KCNQ1: variants seen among roughly 807,000 people sequenced by gnomAD.
KCNQ1 encodes potassium voltage-gated channel subfamily Q member 1, also known as potassium voltage-gated channel subfamily KQT member 1.
A neutral mutation model predicts 72.4 loss-of-function variants in KCNQ1; 49 were observed. The ratio of observed to expected loss-of-function variants is 0.68; its 90% CI spans 0.54 to 0.86. The LOEUF is 0.86. Ranked by LOEUF, KCNQ1 falls within the 40% of genes least tolerant of loss-of-function variation. KCNQ1 has a pLI of 0.00. For synonymous variants in KCNQ1, 450 were observed against 412.6 expected, an observed-to-expected ratio of 1.09 and a Z score of -1.10; for missense variants, 790 against 945.1, an observed-to-expected ratio of 0.84 and a Z score of 2.15.
chr11:2,713,938 G>C lies in KCNQ1; in HGVS notation c.1514+51857G>C, dbSNP rs1049798737. On this transcript the variant is annotated intron_variant, in intron 11 of 15. Transcript: ENST00000155840. The surrounding 1 kb of genome is among the most constrained non-coding windows in gnomAD (Gnocchi z 5.6). ...GCTCACTGCCGCGCCTTTGTTCTCT[G>C]CTTCCTGCTCGGTTCCTGCTAACTC... Among the ~76,000 whole-genome samples the C allele has an allele frequency of 2.6e-5, 4 of 152,242 alleles. No individual in the cohort carries two copies. The highest frequency in any genetic ancestry group is 9.6e-5 in the African/African-American group (4 of 41,466).
At position 2,703,953 on chromosome 11, in the gene KCNQ1, C is replaced by G. The variant is rs965088768; in HGVS notation, c.1514+41872C>G. On this transcript the variant is annotated intron_variant, in intron 11 of 15. Coordinates refer to ENST00000155840, the MANE Select transcript of KCNQ1 (RefSeq NM_000218.3). The surrounding 1 kb of genome is among the most constrained non-coding windows in gnomAD (Gnocchi z 6.4). ...AAGAAAGGCCCCACCCCACGCTGCTCTCAGGAGTGGACAGGAACGTGGGGG... is the reference window on the plus strand; with the variant it reads ...AAGAAAGGCCCCACCCCACGCTGCTGTCAGGAGTGGACAGGAACGTGGGGG... Among the ~76,000 whole-genome samples, 21 of 152,140 alleles carry G rather than the reference C, an allele frequency of 1.4e-4. No individual in the cohort carries two copies. Among genetic ancestry groups the G allele is most frequent in the African/African-American group, 5.1e-4 (21 of 41,436 alleles).
Position 2,664,151 on chromosome 11 carries a change from AG to A in KCNQ1, c.1514+2072del, listed in dbSNP as rs1197551415. The A allele has an allele frequency of 2.5e-5, 10 of 398,726 alleles. No homozygotes were observed. In the South Asian group the frequency reaches 1.3e-3, roughly 51 times the overall value. 24.7% of individuals were successfully genotyped at this position (398,726 alleles called of 1,614,324 possible). A position where few individuals can be genotyped will look rare whatever the true frequency, so the allele number is the denominator to read the frequency against. ...AACTTACCAAGGCCTCTCTCAGAGCAGGCTGTTCCAAAAGTGGCTGCTAGAT... is the reference window on the plus strand; with the variant it reads ...AACTTACCAAGGCCTCTCTCAGAGCAGCTGTTCCAAAAGTGGCTGCTAGAT... On this transcript the variant is annotated intron_variant, in intron 11 of 15. Coordinates refer to ENST00000155840, the MANE Select transcript of KCNQ1 (RefSeq NM_000218.3). The surrounding 1 kb of genome is among the most constrained non-coding windows in gnomAD (Gnocchi z 5.1).
rs1181037409 is a variant in KCNQ1 at position 2,642,569 on chromosome 11, C to T, written c.1394-19392C>T. 1 of 397,640 alleles carries T rather than the reference C, an allele frequency of 2.5e-6. No individual in the cohort carries two copies. The allele number at this position is 397,640 out of a possible 1,614,324, so 24.6% of individuals were successfully genotyped here. A position where few individuals can be genotyped will look rare whatever the true frequency, so the allele number is the denominator to read the frequency against. ...TCATGTAGGTCTTCTCTCTTTTCTT[C>T]TTGGATAGTTTAGCCACTGGTTATT... On this transcript the variant is annotated intron_variant, in intron 10 of 15. Transcript: ENST00000155840. The surrounding 1 kb of genome is among the most constrained non-coding windows in gnomAD (Gnocchi z 4.3).
chr11:2,798,003 C>T (rs1485162732), intron 15 of KCNQ1, among the ~76,000 whole-genome samples: 1 of 152,206 alleles, frequency 6.6e-6, no homozygotes, highest in Non-Finnish European at 1.5e-5. Flanking sequence ...CCAAGTTCAG[C>T]CCTCTCACCC....
intron 1 of KCNQ1, among the ~76,000 whole-genome samples, chr11:2,523,469 G>T (rs1444224901): frequency 6.6e-6 from 1 of 152,202 alleles, no homozygotes; most frequent in East Asian, 1.9e-4. Context: ...CAAAGTGCTG[G>T]GATTGCAGGT....
At position 2,759,703 on chromosome 11, in the gene KCNQ1, G is replaced by C. The variant is rs949827015; in HGVS notation, c.1515-9141G>C. Among the ~76,000 whole-genome samples the C allele has an allele frequency of 1.3e-5, 2 of 152,228 alleles. No individual in the cohort carries two copies. The highest frequency in any genetic ancestry group is 4.8e-5 in the African/African-American group (2 of 41,460). ...ATCCTCCAGAAGGGGCCGAGAGCTT[G>C]TCCAGGCAGGGTGGATACAAGGGGC... On this transcript the variant is annotated intron_variant, in intron 11 of 15. Transcript: ENST00000155840. The surrounding 1 kb of genome is among the most constrained non-coding windows in gnomAD (Gnocchi z 4.4).
chr11:2,655,021 T>A (rs1346854676), intron 10 of KCNQ1: 1 of 398,388 alleles, frequency 2.5e-6, no homozygotes, highest in African/African-American at 2.1e-5. Flanking sequence ...GAAATGAAAA[T>A]CACCCAAAGA....
chr11:2,609,054 GT>G, intron 10 of KCNQ1: 1 of 397,746 alleles, frequency 2.5e-6, no homozygotes. Context: ...TTATTATTTT[GT>G]TTTTTCTACT....
chr11:2,614,224 C>T, intron 10 of KCNQ1: 1 of 398,546 alleles, frequency 2.5e-6, no homozygotes, highest in Non-Finnish European at 4.4e-6. Context: ...TTTGCAAGAG[C>T]CTCCACTATA....
chr11:2,660,368 G>C (rs150597452), intron 10 of KCNQ1: 1 of 398,314 alleles, frequency 2.5e-6, no homozygotes, highest in Non-Finnish European at 4.4e-6. Flanking sequence ...ATTGTATTAC[G>C]CTGATGTGGG....
At chr11:2,672,209 T>C (rs961521976) in intron 11 of KCNQ1, 11 of 398,560 alleles carry the variant, frequency 2.8e-5, no homozygotes, top group African/African-American at 2.1e-5. Context: ...TTAAGTTAAA[T>C]TGAATTCCTT....
At position 2,599,225 on chromosome 11, in the gene KCNQ1, G is replaced by T. The variant is rs944761175; in HGVS notation, c.1393+10371G>T. Among the ~76,000 whole-genome samples the T allele has an allele frequency of 6.6e-6, 1 of 152,080 alleles. No homozygotes were observed. Among genetic ancestry groups the T allele is most frequent in the Non-Finnish European group, 1.5e-5 (1 of 68,034 alleles). ...AATAAAATACATGTGACATAATGAA[G>T]GCATTATCATTGTTTTCCAAACTCA... On this transcript the variant is annotated intron_variant, in intron 10 of 15. Transcript: ENST00000155840. This position sits in a 1 kb window ranked among gnomAD's most constrained non-coding sequence, Gnocchi z 4.7.
At position 2,652,042 on chromosome 11, in the gene KCNQ1, TCTGA is replaced by T. The variant is rs1445584742; in HGVS notation, c.1394-9915_1394-9912del. On this transcript the variant is annotated intron_variant, in intron 10 of 15. Transcript: ENST00000155840. This position sits in a 1 kb window ranked among gnomAD's most constrained non-coding sequence, Gnocchi z 5.9. The stretch of plus-strand genomic sequence containing the variant: ...AGCCTCCCCCCAGTTCTGGGGTGGC[TCTGA>T]CTGTGTCCAGGCTCCAATTTGAGAA... 2 of 398,564 alleles carry T rather than the reference TCTGA, an allele frequency of 5.0e-6. No homozygotes were observed. The highest frequency in any genetic ancestry group is 2.1e-5 in the African/African-American group (1 of 48,648). 24.7% of individuals were successfully genotyped at this position (398,564 alleles called of 1,614,324 possible).
At position 2,508,820 on chromosome 11, in the gene KCNQ1, A is replaced by C. The variant is rs1366958528; in HGVS notation, c.387-19108A>C. ...CCCCTGCTCTCATACAGGCTTGAGG[A>C]GGGCTAAGGAAAGTCACAGTTGAAT... On this transcript the variant is annotated intron_variant, in intron 1 of 15. Transcript: ENST00000155840. The surrounding 1 kb of genome is among the most constrained non-coding windows in gnomAD (Gnocchi z 6.2). Among the ~76,000 whole-genome samples the C allele has an allele frequency of 6.6e-6, 1 of 152,220 alleles. No homozygotes were observed. The highest frequency in any genetic ancestry group is 1.5e-5 in the Non-Finnish European group (1 of 68,034).
At chr11:2,717,320 C>T (rs573920286) in intron 11 of KCNQ1, among the ~76,000 whole-genome samples, 38 of 152,282 alleles carry the variant, frequency 2.5e-4, no homozygotes, top group South Asian at 2.5e-3. Context: ...GTGAGAGCCT[C>T]GACAGCCAGG....
intron 7 of KCNQ1, among the ~76,000 whole-genome samples, chr11:2,584,537 GT>G: frequency 7.0e-6 from 1 of 142,750 alleles, no homozygotes; most frequent in Non-Finnish European, 1.5e-5. Flanking sequence ...GTGTGTGTTA[GT>G]ATGTGTTTGT....
At chr11:2,843,584 C>CT in intron 15 of KCNQ1, among the ~76,000 whole-genome samples, 1 of 152,402 alleles carries the variant, frequency 6.6e-6, no homozygotes, top group East Asian at 1.9e-4. Context: ...CCTCTCCCGC[C>CT]TGTCCCTGGC....
At chr11:2,533,491 C>A (rs542307637) in intron 2 of KCNQ1, among the ~76,000 whole-genome samples, 2 of 152,352 alleles carry the variant, frequency 1.3e-5, no homozygotes, top group Non-Finnish European at 2.9e-5. Context: ...CACGTGTGTA[C>A]GTACGTGCAT....
chr11:2,624,599 C>T lies in KCNQ1; in HGVS notation c.1393+35745C>T. ...AAAATACACTTAACATAAAAATTAC[C>T]ATCCTAACCAATTTTAGTGTACAAT... On this transcript the variant is annotated intron_variant, in intron 10 of 15. Transcript: ENST00000155840. This position sits in a 1 kb window ranked among gnomAD's most constrained non-coding sequence, Gnocchi z 4.9. 2.5e-6 allele frequency: 1 copy of T among 398,306 alleles called. No homozygotes were observed. The highest frequency in any genetic ancestry group is 4.4e-6 in the Non-Finnish European group (1 of 226,004). 24.7% of individuals were successfully genotyped at this position (398,306 alleles called of 1,614,324 possible).
Sources: gnomAD v4.1 joint callset for allele counts (sites outside exome capture counted in the v4.1 genomes callset) on GRCh38, gnomAD v4.1.1 for gene constraint, Gnocchi (gnomAD v3.1) non-coding constraint, MANE v1.5 for transcripts, NCBI Gene and HGNC (gene_info 2026-07-23, HGNC 2026-07-21) for gene names.